The following ST13 variants were observed in gnomAD, a reference collection of about 807,000 sequenced individuals.
The protein encoded by ST13 is ST13 Hsp70 interacting protein.
In ST13, 23 loss-of-function variants were observed where a neutral mutation model predicts 56.7. That is an observed-to-expected ratio of 0.41 (90% CI 0.29 to 0.57). ST13 has a LOEUF of 0.57. ST13 is among the 20% of genes least tolerant of loss of function. ST13 has a pLI of 0.36. For synonymous variants in ST13, 132 were observed against 142.4 expected (o/e 0.93, Z 0.52); for missense variants, 369 against 459.9 (o/e 0.80, Z 1.81).
intron 8 of ST13, among the ~76,000 whole-genome samples, chr22:40,831,606 G>T (rs1173447685): frequency 1.3e-5 from 2 of 152,088 alleles, no homozygotes; most frequent in African/African-American, 4.8e-5. Context: ...TTACAACTTT[G>T]CCCTATTTTA....
intron 10 of ST13, among the ~76,000 whole-genome samples, chr22:40,827,787 G>A (rs1301038617): frequency 2.0e-5 from 3 of 152,024 alleles, no homozygotes; most frequent in African/African-American, 7.2e-5. Context: ...TTACCGGTGT[G>A]AGCCACCATG....
At chr22:40,852,034 C>T (rs562117669) in intron 1 of ST13, among the ~76,000 whole-genome samples, 7 of 152,222 alleles carry the variant, frequency 4.6e-5, no homozygotes, top group Admixed American at 2.6e-4. Flanking sequence ...TGAACCACTG[C>T]GCCCGGCCTG....
intron 8 of ST13, 152 bp downstream of exon 8, chr22:40,832,417 G>A: frequency 1.6e-6 from 1 of 622,782 alleles, no homozygotes; most frequent in Non-Finnish European, 2.9e-6. Flanking sequence ...GAGATCTCCA[G>A]AGTCGAGCAC....
intron 2 of ST13, among the ~76,000 whole-genome samples, chr22:40,849,845 G>A (rs2057852201): frequency 6.9e-6 from 1 of 145,384 alleles, no homozygotes; most frequent in Admixed American, 7.0e-5. Flanking sequence ...AGATAACAAT[G>A]TTTAAGTTTC....
chr22:40,845,131 G>C (rs1601469877), intron 3 of ST13, among the ~76,000 whole-genome samples: 1 of 152,098 alleles, frequency 6.6e-6, no homozygotes, highest in African/African-American at 2.4e-5. Context: ...GTTGTAGTGG[G>C]GTTGTTGACA....
chr22:40,848,013 C>G (rs968242095), intron 3 of ST13, among the ~76,000 whole-genome samples: 2 of 152,028 alleles, frequency 1.3e-5, no homozygotes, highest in African/African-American at 2.4e-5. Context: ...TGCCAGTGCA[C>G]TCCAGTCTGG....
intron 3 of ST13, among the ~76,000 whole-genome samples, chr22:40,845,761 G>T (rs1180216144): frequency 6.6e-6 from 1 of 150,658 alleles, no homozygotes; most frequent in Non-Finnish European, 1.5e-5. Flanking sequence ...CATTTAAAAA[G>T]AACACATTTG....
At position 40,830,727 on chromosome 22, in the gene ST13, T is replaced by C. The variant is rs370477838; in HGVS notation, c.798+113A>G. ...CCCCATAAGTAATATCATTACTCTA[T>C]AGAACTGTAGCCAGCATTAAATAAA... On this transcript the variant is annotated intron_variant, in intron 9 of 11. Transcript: ENST00000216218. The C allele has an allele frequency of 7.2e-4, 454 of 630,884 alleles. No individual in the cohort carries two copies. The Middle Eastern group carries it at 0.01, about 14-fold the overall frequency. The allele number at this position is 630,884 out of a possible 1,614,324, so 39.1% of individuals were successfully genotyped here.
intron 6 of ST13, 42 bp from the exon 7 acceptor site, chr22:40,835,712 A>G (rs2145736915): frequency 2.5e-6 from 4 of 1,603,782 alleles, no homozygotes; most frequent in Middle Eastern, 3.3e-4. Context: ...CATTTCAGTA[A>G]AAGTTTTGGG....
At chr22:40,834,469 G>A (rs1354190733) in intron 7 of ST13, among the ~76,000 whole-genome samples, 1 of 151,898 alleles carries the variant, frequency 6.6e-6, no homozygotes, top group African/African-American at 2.4e-5. Flanking sequence ...CAAACTAAAA[G>A]GTAAAACAAA....
At chr22:40,847,488 G>T (rs2057838087) in intron 3 of ST13, among the ~76,000 whole-genome samples, 1 of 151,116 alleles carries the variant, frequency 6.6e-6, no homozygotes, top group African/African-American at 2.4e-5. Context: ...GGTGGAGGCT[G>T]CAGTGAGCTG....
chr22:40,834,585 T>C (rs2057768866), intron 7 of ST13, among the ~76,000 whole-genome samples: 1 of 152,192 alleles, frequency 6.6e-6, no homozygotes, highest in Admixed American at 6.5e-5. Context: ...TAGCTGTTCA[T>C]TGAAACGACA....
intron 1 of ST13, among the ~76,000 whole-genome samples, chr22:40,853,841 A>G (rs938349906): frequency 6.6e-6 from 1 of 152,200 alleles, no homozygotes; most frequent in African/African-American, 2.4e-5. Context: ...CCATGAAACC[A>G]CATACAAGAT....
At chr22:40,847,831 G>A (rs1194602176) in intron 3 of ST13, among the ~76,000 whole-genome samples, 1 of 151,814 alleles carries the variant, frequency 6.6e-6, no homozygotes, top group African/African-American at 2.4e-5. Flanking sequence ...GGTGGATCAC[G>A]AGGTCAGGAG....
chr22:40,829,220 A>C (rs2057742652), intron 10 of ST13, among the ~76,000 whole-genome samples: 2 of 152,200 alleles, frequency 1.3e-5, no homozygotes, highest in South Asian at 4.1e-4. Flanking sequence ...AAAGCTAGTT[A>C]CCATTAAACA....
chr22:40,850,869 T>C lies in ST13; in HGVS notation c.122A>G (p.Lys41Arg). The C allele has an allele frequency of 6.3e-7, 1 of 1,597,906 alleles. No individual in the cohort carries two copies. Among genetic ancestry groups the C allele is most frequent in the South Asian group, 1.1e-5 (1 of 88,316 alleles). Residue 41 changes from lysine to arginine, a missense_variant, in exon 2 of 12, where the codon AAA becomes AGA. By Grantham distance (26) the Lys-to-Arg change is conservative. Transcript: ENST00000216218. ...AGCTTTCTGAGTAGCAGGTGGTACTTTACCACCCATGCTTGAAGAAGATGA... is the reference window on the plus strand; with the variant it reads ...AGCTTTCTGAGTAGCAGGTGGTACTCTACCACCCATGCTTGAAGAAGATGA... ...LREWVESMGG[K>R]VPPATQKAKS... is the part of the protein sequence containing the mutation.
intron 10 of ST13, 34 bp from the exon 11 acceptor site, chr22:40,827,263 TC>T (rs1350871749): frequency 1.2e-6 from 2 of 1,608,238 alleles, no homozygotes; most frequent in Non-Finnish European, 1.7e-6. Flanking sequence ...CTAATCATAC[TC>T]CCAAATATTC....
rs2057773829 is a variant in ST13 at position 40,835,682 on chromosome 22, G to A, written c.468-12C>T. 1.2e-6 allele frequency: 2 copies of A among 1,610,098 alleles called. No individual in the cohort carries two copies. The highest frequency in any genetic ancestry group is 3.3e-4 in the Middle Eastern group (2 of 6,052). Reference sequence around the variant, plus strand: ...ATTTGACGAAGACACTGAAAAATAAGTGTGTTATTAAAAAGTATTCATTTC... The same window carrying A: ...ATTTGACGAAGACACTGAAAAATAAATGTGTTATTAAAAAGTATTCATTTC... On this transcript the variant is annotated splice_polypyrimidine_tract_variant and intron_variant, in intron 6 of 11. Coordinates refer to ENST00000216218, the MANE Select transcript of ST13 (RefSeq NM_003932.5).
chr22:40,846,042 T>G (rs991505309), intron 3 of ST13, among the ~76,000 whole-genome samples: 1 of 152,164 alleles, frequency 6.6e-6, no homozygotes, highest in African/African-American at 2.4e-5. Flanking sequence ...GTTCAAGCAA[T>G]TGTCCTGCGT....
Sources: gnomAD v4.1 joint callset for allele counts (sites outside exome capture counted in the v4.1 genomes callset) on GRCh38, gnomAD v4.1.1 for gene constraint, MANE v1.5 for transcripts, NCBI Gene and HGNC (gene_info 2026-07-23, HGNC 2026-07-21) for gene names.